The following BANK1 variants were observed in gnomAD, a reference collection of about 807,000 sequenced individuals.
BANK1 encodes the protein B cell scaffold protein with ankyrin repeats 1, also known as B-cell scaffold protein with ankyrin repeats.
Under a neutral mutation model 94.5 loss-of-function variants are expected in BANK1, and 95 were observed. That is an observed-to-expected ratio of 1.00 (90% CI 0.85 to 1.19). The LOEUF (loss-of-function observed/expected upper bound fraction) is 1.19. Ranked by LOEUF, BANK1 falls within the 50% of genes most tolerant of loss-of-function variation. The probability of loss-of-function intolerance (pLI) is 0.00; values close to 1 mark genes in which losing one functional copy is unlikely to be tolerated. For synonymous variants in BANK1, 334 were observed against 308.4 expected, an observed-to-expected ratio of 1.08 and a Z score of -0.87; for missense variants, 987 against 932.2, an observed-to-expected ratio of 1.06 and a Z score of -0.77.
In BANK1 at chr4:101,881,280, A is replaced by G. The variant is rs533399362; in HGVS notation, c.903+10636A>G. 2.6e-5 allele frequency among the ~76,000 whole-genome samples: 4 copies of G among 152,226 alleles called. No individual in the cohort carries two copies. In the East Asian group the frequency reaches 7.7e-4, roughly 29 times the overall value. Reference sequence around the variant, plus strand: ...AAACAAGGGCAAAAAATCTAAATAGACATTTCTCAAAAGAAGACGTACAGA... The same window carrying G: ...AAACAAGGGCAAAAAATCTAAATAGGCATTTCTCAAAAGAAGACGTACAGA... On this transcript the variant is annotated intron_variant, in intron 5 of 16. Transcript: ENST00000322953.
chr4:101,858,091 C>G (rs1727745828), intron 3 of BANK1, among the ~76,000 whole-genome samples: 1 of 152,130 alleles, frequency 6.6e-6, no homozygotes, highest in Admixed American at 6.5e-5. Context: ...ACAACAAAAC[C>G]AGAACTTGAC....
chr4:102,012,348 C>T (rs1726537572), intron 7 of BANK1, among the ~76,000 whole-genome samples: 1 of 151,676 alleles, frequency 6.6e-6, no homozygotes, highest in Admixed American at 6.6e-5. Context: ...ATTTACAATT[C>T]ACATTTTCCG....
intron 1 of BANK1, among the ~76,000 whole-genome samples, chr4:101,808,853 G>A (rs1250413431): frequency 6.6e-6 from 1 of 152,042 alleles, no homozygotes; most frequent in Non-Finnish European, 1.5e-5. Context: ...TAAAAAAATA[G>A]ATGTTGGAGT....
chr4:101,857,667 C>CTTG (rs1560604292), intron 3 of BANK1, among the ~76,000 whole-genome samples: 2 of 152,284 alleles, frequency 1.3e-5, no homozygotes, highest in East Asian at 3.9e-4. Context: ...AATTATGTGC[C>CTTG]ACTTCTCAAA....
chr4:101,915,213 T>C (rs1722789397), intron 6 of BANK1, among the ~76,000 whole-genome samples: 1 of 152,074 alleles, frequency 6.6e-6, no homozygotes, highest in African/African-American at 2.4e-5. Context: ...CAATTGAATA[T>C]TGAGAAAAAT....
intron 7 of BANK1, among the ~76,000 whole-genome samples, chr4:101,955,125 T>C (rs1724294920): frequency 6.6e-6 from 1 of 152,142 alleles, no homozygotes; most frequent in Non-Finnish European, 1.5e-5. Context: ...GATGATAGAT[T>C]AGCTGTTGCT....
At chr4:101,832,126 G>A (rs140886595) in intron 2 of BANK1, among the ~76,000 whole-genome samples, 11 of 152,340 alleles carry the variant, frequency 7.2e-5, no homozygotes, top group African/African-American at 2.6e-4. Context: ...TACACTGAAG[G>A]TAGAGTTTGT....
chr4:101,955,900 A>C (rs1724319443), intron 7 of BANK1, among the ~76,000 whole-genome samples: 1 of 152,204 alleles, frequency 6.6e-6, no homozygotes, highest in South Asian at 2.1e-4. Flanking sequence ...TGTAGTGCTT[A>C]TTTATATCTT....
chr4:101,979,672 C>T (rs2148926832), intron 7 of BANK1, among the ~76,000 whole-genome samples: 1 of 151,940 alleles, frequency 6.6e-6, no homozygotes, highest in East Asian at 1.9e-4. Context: ...GGACTGCTAA[C>T]ATACATTTAC....
rs537246878 is a variant in BANK1 at position 101,903,941 on chromosome 4, C to G, written c.1009+8531C>G. Among the ~76,000 whole-genome samples, 214 of 152,238 alleles carry G rather than the reference C, an allele frequency of 1.4e-3. 1 individual carries two copies. Among genetic ancestry groups the G allele is most frequent in the African/African-American group, 5.1e-3 (211 of 41,542 alleles). ...ACCAAAACATTGGAGTAAAATTTCT[C>G]GAGTGGTGGCAGCACAAAGTATATC... On this transcript the variant is annotated intron_variant, in intron 6 of 16. Coordinates refer to ENST00000322953, the MANE Select transcript of BANK1 (RefSeq NM_017935.5).
intron 10 of BANK1, among the ~76,000 whole-genome samples, chr4:102,031,746 C>T (rs1159894457): frequency 2.6e-5 from 4 of 151,942 alleles, no homozygotes; most frequent in African/African-American, 9.7e-5. Flanking sequence ...AAATATATAC[C>T]ACAGATCCAC....
rs542204889 is a variant in BANK1 at position 101,963,795 on chromosome 4, A to G, written c.1206+45606A>G. 6.5e-4 allele frequency among the ~76,000 whole-genome samples: 99 copies of G among 152,188 alleles called. 1 individual carries two copies. Among genetic ancestry groups the G allele is most frequent in the African/African-American group, 2.2e-3 (91 of 41,558 alleles). ...GGCCTTTTCTCGCACCTGGTACTCA[A>G]TTGACCCTCCTGTATCTGTGCACTC... On this transcript the variant is annotated intron_variant, in intron 7 of 16. Coordinates refer to ENST00000322953, the MANE Select transcript of BANK1 (RefSeq NM_017935.5).
intron 2 of BANK1, among the ~76,000 whole-genome samples, chr4:101,842,398 G>T (rs1218535751): frequency 1.3e-5 from 2 of 152,026 alleles, no homozygotes; most frequent in African/African-American, 4.8e-5. Context: ...ACCAATAAAA[G>T]AACTTTCTAC....
rs3733199 is a variant in BANK1 at position 101,918,298 on chromosome 4, T to G, written c.1206+109T>G. The G allele has an allele frequency of 2.4e-4, 147 of 623,940 alleles. No homozygotes were observed. In the East Asian group the frequency reaches 3.9e-3, roughly 16 times the overall value. The allele number at this position is 623,940 out of a possible 1,614,324, so 38.7% of individuals were successfully genotyped here. ...TTACCGTTTTCTTTAAGACTCTAGT[T>G]AAGGCACTATTAGGCACATGAAAAC... On this transcript the variant is annotated intron_variant, in intron 7 of 16. Coordinates refer to ENST00000322953, the MANE Select transcript of BANK1 (RefSeq NM_017935.5).
intron 7 of BANK1, among the ~76,000 whole-genome samples, chr4:101,958,422 CT>C (rs10580633): frequency 0.42 from 57,656 of 137,182 alleles, 11,949 homozygotes; most frequent in African/African-American, 0.51. Flanking sequence ...GCTACAAACA[CT>C]TTTTTTTTTT....
intron 10 of BANK1, among the ~76,000 whole-genome samples, chr4:102,034,622 CT>C (rs1231166090): frequency 1.3e-5 from 2 of 152,108 alleles, no homozygotes; most frequent in Non-Finnish European, 2.9e-5. Context: ...AAGGAAGACC[CT>C]GTATTCTAAC....
At chr4:102,067,212 G>A (rs541071470) in intron 13 of BANK1, among the ~76,000 whole-genome samples, 137 of 151,932 alleles carry the variant, frequency 9.0e-4, no homozygotes, top group Non-Finnish European at 1.6e-3. Flanking sequence ...TATTTGATTC[G>A]CCAAAAATAA....
At chr4:102,034,393 C>G (rs1296498159) in intron 10 of BANK1, among the ~76,000 whole-genome samples, 1 of 152,148 alleles carries the variant, frequency 6.6e-6, no homozygotes, top group Non-Finnish European at 1.5e-5. Flanking sequence ...TGAATTTCCT[C>G]ACTGTAAGCT....
chr4:102,043,759 C>A (rs1727780095), intron 10 of BANK1, 80 bp from the exon 11 acceptor site: 1 of 796,208 alleles, frequency 1.3e-6, no homozygotes, highest in South Asian at 2.2e-5. Context: ...ATATTGCATT[C>A]TGGCTTCCTG....
Sources: gnomAD v4.1 joint callset for allele counts (sites outside exome capture counted in the v4.1 genomes callset) on GRCh38, gnomAD v4.1.1 for gene constraint, MANE v1.5 for transcripts, NCBI Gene and HGNC (gene_info 2026-07-23, HGNC 2026-07-21) for gene names.